The following RTN4RL2 variants were observed in gnomAD, a reference collection of about 807,000 sequenced individuals.
RTN4RL2 encodes the protein reticulon-4 receptor-like 2.
RTN4RL2 carries 9 observed loss-of-function variants against 27.8 expected under a neutral mutation model. The ratio of observed to expected loss-of-function variants is 0.32; its 90% CI spans 0.20 to 0.57. The LOEUF is 0.57. RTN4RL2 is among the 20% of genes least tolerant of loss of function. The pLI is 0.90. For missense variants in RTN4RL2, 436 were observed against 596.8 expected (o/e 0.73, Z 2.81); for synonymous variants, 285 against 297.9 (o/e 0.96, Z 0.45).
intron 1 of RTN4RL2, among the ~76,000 whole-genome samples, chr11:57,466,744 C>A (rs1943528285): frequency 6.6e-6 from 1 of 152,204 alleles, no homozygotes; most frequent in South Asian, 2.1e-4. Flanking sequence ...GGCCTCAGAT[C>A]TCCAAAGGGT....
Position 57,467,090 on chromosome 11 carries a change from C to T in RTN4RL2, c.32-519C>T, listed in dbSNP as rs1039254582. On this transcript the variant is annotated intron_variant, in intron 1 of 2. Transcript: ENST00000335099. The surrounding 1 kb of genome is among the most constrained non-coding windows in gnomAD (Gnocchi z 5.5). Reference sequence around the variant, plus strand: ...AGTGCTTTCTACAATGGCCTTTTGGCATTATTTTTTAATATATGAGAAGCC... The same window carrying T: ...AGTGCTTTCTACAATGGCCTTTTGGTATTATTTTTTAATATATGAGAAGCC... Among the ~76,000 whole-genome samples, 8 of 152,240 alleles carry T rather than the reference C, an allele frequency of 5.3e-5. No individual in the cohort carries two copies. The highest frequency in any genetic ancestry group is 1.0e-4 in the Non-Finnish European group (7 of 68,038).
At chr11:57,471,567 T>C (rs113132924) in intron 2 of RTN4RL2, among the ~76,000 whole-genome samples, 2,150 of 152,282 alleles carry the variant, frequency 0.014, 57 homozygotes, top group African/African-American at 0.05. Flanking sequence ...TGAGGAAACA[T>C]GGGCTGGGGT....
intron 2 of RTN4RL2, among the ~76,000 whole-genome samples, chr11:57,472,514 C>T (rs1310204402): frequency 6.6e-6 from 1 of 152,168 alleles, no homozygotes; most frequent in Non-Finnish European, 1.5e-5. Context: ...CACAGCTGGC[C>T]TGAATGGTTT....
chr11:57,470,255 C>CT lies in RTN4RL2; in HGVS notation c.513+2175dup, dbSNP rs71977524. ...AATCAGGATAGTACTTAATAATAAT[C>CT]TTTTTTTTTTGAGACGACGTCCCAC... is the stretch of plus-strand genomic sequence containing the variant. On this transcript the variant is annotated intron_variant, in intron 2 of 2. Coordinates refer to ENST00000335099, the MANE Select transcript of RTN4RL2 (RefSeq NM_178570.3). 1.7e-4 allele frequency among the ~76,000 whole-genome samples: 26 copies of CT among 149,918 alleles called. No individual in the cohort carries two copies. In the East Asian group the frequency reaches 1.9e-3, roughly 11 times the overall value.
Position 57,476,188 on chromosome 11 carries a change from C to T in RTN4RL2, c.540C>T (p.Asn180=), listed in dbSNP as rs763278752. 9 of 1,609,354 alleles carry T rather than the reference C, an allele frequency of 5.6e-6. No individual in the cohort carries two copies. Among genetic ancestry groups the T allele is most frequent in the South Asian group, 1.1e-5 (1 of 90,456 alleles). ...ATGACTTGTTCGCGGACCTGGCCAA[C>T]CTGAGCCACCTCTTCCTCCACGGGA... The part of the protein sequence containing the change: ...LQDDLFADLA[N]LSHLFLHGNR... The change falls in exon 3 of 3, where the codon AAC becomes AAT. Residue 180 remains asparagine (N), a synonymous_variant. Transcript: ENST00000335099. The surrounding 1 kb of genome is among the most constrained non-coding windows in gnomAD (Gnocchi z 8.2).
chr11:57,466,598 TAG>T (rs958776942), intron 1 of RTN4RL2, among the ~76,000 whole-genome samples: 14 of 152,156 alleles, frequency 9.2e-5, no homozygotes, highest in Non-Finnish European at 1.6e-4. Context: ...TGGCCTCACT[TAG>T]AGACCCGACC....
intron 1 of RTN4RL2, among the ~76,000 whole-genome samples, chr11:57,465,051 G>A (rs1000069728): frequency 1.3e-5 from 2 of 152,116 alleles, no homozygotes; most frequent in Non-Finnish European, 1.5e-5. Flanking sequence ...ACGCAGCACC[G>A]ACGCAGCGCC....
chr11:57,466,461 C>A (rs1357739791), intron 1 of RTN4RL2, among the ~76,000 whole-genome samples: 3 of 152,110 alleles, frequency 2.0e-5, no homozygotes, highest in Admixed American at 1.3e-4. Context: ...TGGAGCAAGA[C>A]CCTGTCTCCA....
chr11:57,467,540 G>A lies in RTN4RL2; in HGVS notation c.32-69G>A. ...GGTCTAGGCCTTTTACCAAGTTGGG[G>A]GGCTGGCCCCCAGCTGGCACTCCTG... is the stretch of plus-strand genomic sequence containing the variant. On this transcript the variant is annotated intron_variant, in intron 1 of 2. Transcript: ENST00000335099. This position sits in a 1 kb window ranked among gnomAD's most constrained non-coding sequence, Gnocchi z 5.5. 2 of 1,536,726 alleles carry A rather than the reference G, an allele frequency of 1.3e-6. No homozygotes were observed. The highest frequency in any genetic ancestry group is 1.7e-6 in the Non-Finnish European group (2 of 1,144,966).
In RTN4RL2 at chr11:57,474,595, A is replaced by ATGCCTT. The variant is rs1943585531; in HGVS notation, c.514-1567_514-1566insTGCCTT. On this transcript the variant is annotated intron_variant, in intron 2 of 2. Coordinates refer to ENST00000335099, the MANE Select transcript of RTN4RL2 (RefSeq NM_178570.3). The stretch of plus-strand genomic sequence containing the variant: ...GCTGACCACAGTGATGCCCTGCACA[A>ATGCCTT]GAGGGGAGGACCTCAAGGCAGTGAG... 2.0e-5 allele frequency among the ~76,000 whole-genome samples: 3 copies of ATGCCTT among 152,186 alleles called. No individual in the cohort carries two copies. The South Asian group carries it at 6.2e-4, about 31-fold the overall frequency.
Position 57,476,515 on chromosome 11 carries a change from C to A in RTN4RL2, c.867C>A (p.Ala289=). ...TGTCCAGCTCCGACGTGACCTGCGC[C>A]ACCCCCCCGGAGCGCCAGGGCCGAG... The part of the protein sequence containing the change: ...ARVSSSDVTC[A]TPPERQGRDL... Residue 289 remains alanine, a synonymous_variant, in exon 3 of 3, where the codon GCC becomes GCA. Coordinates refer to ENST00000335099, the MANE Select transcript of RTN4RL2 (RefSeq NM_178570.3). The surrounding 1 kb of genome is among the most constrained non-coding windows in gnomAD (Gnocchi z 8.2). 6.8e-7 allele frequency: 1 copy of A among 1,467,916 alleles called. No individual in the cohort carries two copies. The highest frequency in any genetic ancestry group is 1.3e-5 in the South Asian group (1 of 75,216). The allele number at this position is 1,467,916 out of a possible 1,614,324, so 90.9% of individuals were successfully genotyped here. A position where few individuals can be genotyped will look rare whatever the true frequency, so the allele number is the denominator to read the frequency against.
chr11:57,464,496 T>G (rs1490946194), intron 1 of RTN4RL2, among the ~76,000 whole-genome samples: 1 of 152,150 alleles, frequency 6.6e-6, no homozygotes, highest in Non-Finnish European at 1.5e-5. Context: ...GGATTTGGCT[T>G]CTTTTGGTGT....
intron 1 of RTN4RL2, among the ~76,000 whole-genome samples, chr11:57,463,883 T>G (rs1411426431): frequency 6.7e-6 from 1 of 150,154 alleles, no homozygotes; most frequent in Non-Finnish European, 1.5e-5. Context: ...TGCCCTGGAG[T>G]GCTCGCTCCA....
Position 57,467,669 on chromosome 11 carries a change from G to A in RTN4RL2, c.92G>A (p.Cys31Tyr). Residue 31 changes from cysteine to tyrosine, a missense_variant, in exon 2 of 3, where the codon TGC becomes TAC. Physicochemically the swap from Cys to Tyr is radical, Grantham distance 194 (BLOSUM62 -2). Around this residue, in one of 3 missense-constraint regions of RTN4RL2, gnomAD observed 365 missense variants for 530.5 expected, o/e 0.69. Transcript: ENST00000335099. This position sits in a 1 kb window ranked among gnomAD's most constrained non-coding sequence, Gnocchi z 5.5. ...GCCCTGCCCCTGGCGGCCCCCAGCT[G>A]CCCCATGCTCTGCACCTGCTACTCA... Reference protein sequence around the residue: ...LLALPLAAPSCPMLCTCYSSP... With the variant: ...LLALPLAAPSYPMLCTCYSSP... The A allele has an allele frequency of 6.2e-7, 1 of 1,611,218 alleles. No homozygotes were observed.
intron 2 of RTN4RL2, among the ~76,000 whole-genome samples, chr11:57,470,287 G>A (rs1477762321): frequency 3.3e-5 from 5 of 151,740 alleles, no homozygotes; most frequent in African/African-American, 7.3e-5. Context: ...CCACTCTATC[G>A]CCCAGGCTGG....
chr11:57,477,077 C>G lies in RTN4RL2; in HGVS notation c.*166C>G. 1.6e-6 allele frequency: 1 copy of G among 627,852 alleles called. No individual in the cohort carries two copies. The highest frequency in any genetic ancestry group is 2.6e-6 in the Non-Finnish European group (1 of 390,694). The allele number at this position is 627,852 out of a possible 1,614,324, so 38.9% of individuals were successfully genotyped here. A position where few individuals can be genotyped will look rare whatever the true frequency, so the allele number is the denominator to read the frequency against. ...GCAGGCCGCCTCTCCTTGCCTGCCCCCTGGGCTGTCCTGACTTGTGGCAGC... is the reference window on the plus strand; with the variant it reads ...GCAGGCCGCCTCTCCTTGCCTGCCCGCTGGGCTGTCCTGACTTGTGGCAGC... On this transcript the variant is annotated 3_prime_UTR_variant, in exon 3 of 3. Transcript: ENST00000335099.
intron 2 of RTN4RL2, chr11:57,468,939 G>A: frequency 1.3e-6 from 1 of 741,292 alleles, no homozygotes; most frequent in East Asian, 2.7e-5. Context: ...CATTTCCCCA[G>A]GAAGCAATAA....
Position 57,460,723 on chromosome 11 carries a change from A to T in RTN4RL2, c.-143A>T, listed in dbSNP as rs1943476523. ...CCGCAGCCCGGGCGGCGCAGGGTAGAGCGCCGCGGCCCGGCCACGCAGCCC... is the reference window on the plus strand; with the variant it reads ...CCGCAGCCCGGGCGGCGCAGGGTAGTGCGCCGCGGCCCGGCCACGCAGCCC... On this transcript the variant is annotated 5_prime_UTR_variant, in exon 1 of 3. Transcript: ENST00000335099. The T allele has an allele frequency of 2.7e-6, 1 of 371,164 alleles. No homozygotes were observed. The highest frequency in any genetic ancestry group is 2.1e-5 in the African/African-American group (1 of 46,612). 23.0% of individuals were successfully genotyped at this position (371,164 alleles called of 1,614,324 possible).
At chr11:57,464,102 G>A (rs1337295046) in intron 1 of RTN4RL2, among the ~76,000 whole-genome samples, 1 of 152,258 alleles carries the variant, frequency 6.6e-6, no homozygotes, top group Non-Finnish European at 1.5e-5. Context: ...GCTCTTCAGA[G>A]AGCCTGCAGG....
Sources: allele counts gnomAD v4.1 joint callset (sites outside exome capture counted in the v4.1 genomes callset), GRCh38; gene constraint gnomAD v4.1.1; regional missense constraint gnomAD v4.1.1; non-coding constraint Gnocchi (gnomAD v3.1); transcripts MANE v1.5; gene names NCBI Gene and HGNC (gene_info 2026-07-23, HGNC 2026-07-21).